The following TRHDE variants were observed in gnomAD, a reference collection of about 807,000 sequenced individuals.
TRHDE encodes thyrotropin-releasing hormone-degrading ectoenzyme.
Under a neutral mutation model 125.7 loss-of-function variants are expected in TRHDE, and 72 were observed. The observed-to-expected ratio is 0.57, with a 90% CI of 0.47 to 0.70. The LOEUF is 0.70. Ranked by LOEUF, TRHDE falls within the 30% of genes least tolerant of loss-of-function variation. TRHDE has a pLI of 0.00. For missense variants in TRHDE, 1,110 were observed against 1,327.1 expected, an observed-to-expected ratio of 0.84 and a Z score of 2.54; for synonymous variants, 509 against 509.1, an observed-to-expected ratio of 1.00 and a Z score of 0.00.
intron 5 of TRHDE, among the ~76,000 whole-genome samples, chr12:72,488,165 A>G (rs1464347074): frequency 2.0e-5 from 3 of 152,144 alleles, no homozygotes; most frequent in Non-Finnish European, 4.4e-5. Context: ...GTAACCTATC[A>G]ATAATAACCT....
chr12:72,415,156 C>T (rs1479509229), intron 3 of TRHDE, among the ~76,000 whole-genome samples: 1 of 152,084 alleles, frequency 6.6e-6, no homozygotes. Context: ...CCCAGCTCCT[C>T]AACACCTCAC....
chr12:72,267,326 A>G (rs1879090994), intron 2 of TRHDE, among the ~76,000 whole-genome samples: 1 of 152,134 alleles, frequency 6.6e-6, no homozygotes, highest in Non-Finnish European at 1.5e-5. Context: ...AGAACCCCTC[A>G]AATAAAGATA....
chr12:72,248,328 G>A (rs1298211044), intron 2 of TRHDE, among the ~76,000 whole-genome samples: 1 of 141,962 alleles, frequency 7.0e-6, no homozygotes, highest in Non-Finnish European at 1.5e-5. Flanking sequence ...TGAGGCAGGA[G>A]AATTGCTTCA....
At chr12:72,554,233 C>T (rs557619576) in intron 7 of TRHDE, among the ~76,000 whole-genome samples, 2 of 152,138 alleles carry the variant, frequency 1.3e-5, no homozygotes, top group South Asian at 2.1e-4. Context: ...GACACCAGCC[C>T]TTTTTTTCCC....
chr12:72,148,102 G>C (rs1301971340), intron 2 of TRHDE, among the ~76,000 whole-genome samples: 1 of 152,192 alleles, frequency 6.6e-6, no homozygotes, highest in Non-Finnish European at 1.5e-5. Flanking sequence ...TTGTATTTTA[G>C]ATGTGACAAA....
intron 9 of TRHDE, among the ~76,000 whole-genome samples, chr12:72,567,623 T>C (rs1247036171): frequency 6.6e-6 from 1 of 152,044 alleles, no homozygotes; most frequent in African/African-American, 2.4e-5. Context: ...TTATTTATTC[T>C]CACAGTTATT....
At chr12:72,342,380 C>G (rs1870123260) in intron 2 of TRHDE, among the ~76,000 whole-genome samples, 1 of 152,064 alleles carries the variant, frequency 6.6e-6, no homozygotes, top group Non-Finnish European at 1.5e-5. Flanking sequence ...ATCTTGAACT[C>G]TTAGAAAACA....
intron 2 of TRHDE, among the ~76,000 whole-genome samples, chr12:72,264,912 T>C (rs1287305091): frequency 6.6e-6 from 1 of 151,720 alleles, no homozygotes; most frequent in Non-Finnish European, 1.5e-5. Context: ...ATTGTTTTTT[T>C]TTTTAATAGA....
chr12:72,426,666 A>G (rs1161403670), intron 3 of TRHDE, among the ~76,000 whole-genome samples: 1 of 151,832 alleles, frequency 6.6e-6, no homozygotes, highest in Non-Finnish European at 1.5e-5. Flanking sequence ...GGGCCTTTAT[A>G]TGTTAGGTAG....
intron 3 of TRHDE, among the ~76,000 whole-genome samples, chr12:72,418,125 C>A (rs1291274924): frequency 6.6e-6 from 1 of 151,986 alleles, no homozygotes; most frequent in Non-Finnish European, 1.5e-5. Context: ...TGCTCAATTT[C>A]TTTGAGGCAT....
In TRHDE at chr12:72,562,951, A is replaced by G; in HGVS notation, c.1953A>G (p.Thr651=). The G allele has an allele frequency of 6.2e-7, 1 of 1,610,920 alleles. No homozygotes were observed. Among genetic ancestry groups the G allele is most frequent in the Non-Finnish European group, 8.5e-7 (1 of 1,178,300 alleles). Residue 651 remains threonine, a synonymous_variant, in exon 9 of 19, where the codon ACA becomes ACG. Coordinates refer to ENST00000261180, the MANE Select transcript of TRHDE (RefSeq NM_013381.3). ...CTGTTATCACCATCTTGGGAAACAC[A>G]ACAGCAGAAAATAGAATAATAATTA... The part of the protein sequence containing the change: ...GYPVITILGN[T]TAENRIIITQ...
chr12:72,444,365 C>T (rs946080603), intron 3 of TRHDE, among the ~76,000 whole-genome samples: 42 of 151,802 alleles, frequency 2.8e-4, no homozygotes, highest in African/African-American at 1.0e-3. Flanking sequence ...GTGCTGGGTG[C>T]AGCTCAAAGT....
chr12:72,135,805 G>C (rs1875971231), intron 2 of TRHDE, among the ~76,000 whole-genome samples: 1 of 152,006 alleles, frequency 6.6e-6, no homozygotes, highest in African/African-American at 2.4e-5. Flanking sequence ...TCCAGGTCTT[G>C]GGCTGAGTTA....
intron 3 of TRHDE, among the ~76,000 whole-genome samples, chr12:72,447,456 C>T (rs1276163654): frequency 5.3e-5 from 8 of 152,046 alleles, no homozygotes; most frequent in Admixed American, 5.3e-4. Flanking sequence ...TTCTAACAGT[C>T]TCCTAGTGAT....
chr12:72,259,288 T>A (rs915515734), intron 2 of TRHDE, among the ~76,000 whole-genome samples: 22 of 152,162 alleles, frequency 1.4e-4, no homozygotes, highest in Admixed American at 3.3e-4. Flanking sequence ...CTTATTTATA[T>A]GCTTAAGTTG....
chr12:72,220,097 AG>A (rs1056689726), intron 2 of TRHDE, among the ~76,000 whole-genome samples: 1 of 152,110 alleles, frequency 6.6e-6, no homozygotes, highest in Non-Finnish European at 1.5e-5. Context: ...AGTTTAGGGT[AG>A]TTAGATCAGT....
chr12:72,652,292 A>T, intron 15 of TRHDE, 30 bp from the exon 16 acceptor site: 1 of 1,379,526 alleles, frequency 7.2e-7, no homozygotes, highest in East Asian at 2.7e-5. Context: ...CTTTTAATTA[A>T]CAGAAAACCA....
chr12:72,315,634 C>A (rs1283711939), intron 2 of TRHDE, among the ~76,000 whole-genome samples: 1 of 152,204 alleles, frequency 6.6e-6, no homozygotes, highest in Non-Finnish European at 1.5e-5. Context: ...GGCATATGGG[C>A]AGAGCTGCTG....
intron 1 of TRHDE, among the ~76,000 whole-genome samples, chr12:72,275,747 G>C (rs1246783197): frequency 6.6e-6 from 1 of 152,140 alleles, no homozygotes; most frequent in Admixed American, 6.5e-5. Flanking sequence ...AGATGTTTCT[G>C]CTTGAACCGT....
Sources: allele counts gnomAD v4.1 joint callset (sites outside exome capture counted in the v4.1 genomes callset), GRCh38; gene constraint gnomAD v4.1.1; transcripts MANE v1.5; gene names NCBI Gene and HGNC (gene_info 2026-07-23, HGNC 2026-07-21).